Variants in MED6 observed in about 807,000 individuals in gnomAD.
MED6 encodes mediator of RNA polymerase II transcription subunit 6.
A neutral mutation model predicts 37.5 loss-of-function variants in MED6; 33 were observed. The observed-to-expected ratio is 0.88, with a 90% CI of 0.67 to 1.18. The LOEUF (loss-of-function observed/expected upper bound fraction) is 1.18, where lower values mean the gene tolerates loss of function less well. Among genes scored for constraint, MED6 ranks in the 50% most tolerant of loss-of-function variants. The probability of loss-of-function intolerance (pLI) is 0.00; values close to 1 mark genes in which losing one functional copy is unlikely to be tolerated. For missense variants in MED6, 235 were observed against 290.6 expected (o/e 0.81, Z 1.39); for synonymous variants, 94 against 93.6 (o/e 1.00, Z -0.02).
chr14:70,593,278 G>C lies in MED6; in HGVS notation c.357+18C>G, dbSNP rs954060978. 1 of 1,603,356 alleles carries C rather than the reference G, an allele frequency of 6.2e-7. No homozygotes were observed. Among genetic ancestry groups the C allele is most frequent in the Non-Finnish European group, 8.5e-7 (1 of 1,170,410 alleles). On this transcript the variant is annotated intron_variant, in intron 4 of 7. Transcript: ENST00000256379. ...TTAAAAGTTTTCTTTAGTGCTTAAA[G>C]AATGTGAAGACACTTACCACTCTAG... is the stretch of plus-strand genomic sequence containing the variant.
rs543615450 is a variant in MED6 at position 70,583,911 on chromosome 14, G to A, written c.*902C>T. 5 of 408,452 alleles carry A rather than the reference G, an allele frequency of 1.2e-5. No individual in the cohort carries two copies. Among genetic ancestry groups the A allele is most frequent in the African/African-American group, 2.1e-5 (1 of 48,776 alleles). The allele number at this position is 408,452 out of a possible 1,614,324, so 25.3% of individuals were successfully genotyped here. On this transcript the variant is annotated 3_prime_UTR_variant, in exon 8 of 8. Transcript: ENST00000256379. ...ACCAGCAAGAAGGCCCTCACCAGATGGAGCCAATCAATGCTGGACTTCTCA... is the reference window on the plus strand; with the variant it reads ...ACCAGCAAGAAGGCCCTCACCAGATAGAGCCAATCAATGCTGGACTTCTCA...
chr14:70,584,237 A>T lies in MED6; in HGVS notation c.*576T>A. 2.7e-6 allele frequency: 2 copies of T among 729,588 alleles called. No homozygotes were observed. Among genetic ancestry groups the T allele is most frequent in the Non-Finnish European group, 4.9e-6 (2 of 404,380 alleles). 45.2% of individuals were successfully genotyped at this position (729,588 alleles called of 1,614,324 possible). A position where few individuals can be genotyped will look rare whatever the true frequency, so the allele number is the denominator to read the frequency against. On this transcript the variant is annotated 3_prime_UTR_variant, in exon 8 of 8. Transcript: ENST00000256379. ...TGAAGAAAAAAGTCATGATGAAGCA[A>T]TATATACAAATACCTTTATTTTGCT... is the stretch of plus-strand genomic sequence containing the variant.
chr14:70,599,050 T>G (rs769825088), intron 1 of MED6, among the ~76,000 whole-genome samples: 12 of 152,224 alleles, frequency 7.9e-5, no homozygotes, highest in Non-Finnish European at 1.6e-4. Context: ...TCATGATGCT[T>G]CATACCACTG....
chr14:70,596,817 C>A, intron 2 of MED6, 115 bp from the exon 3 acceptor site: 1 of 716,578 alleles, frequency 1.4e-6, no homozygotes, highest in South Asian at 2.1e-5. Context: ...TTAAAACTGC[C>A]TATGTTTGGT....
At chr14:70,587,007 A>T (rs764202413) in intron 6 of MED6, among the ~76,000 whole-genome samples, 1 of 152,202 alleles carries the variant, frequency 6.6e-6, no homozygotes, top group Non-Finnish European at 1.5e-5. Flanking sequence ...ATTTAGGCTG[A>T]ATACCTGCTT....
intron 3 of MED6, chr14:70,594,598 G>T: frequency 2.4e-6 from 1 of 418,454 alleles, no homozygotes. Flanking sequence ...TGGTCCCTGG[G>T]CTCCATCCAG....
rs1388875145 is a variant in MED6 at position 70,584,762 on chromosome 14, G to A, written c.*51C>T. On this transcript the variant is annotated 3_prime_UTR_variant, in exon 8 of 8. Transcript: ENST00000256379. ...CAAAGCTCAAGAGCCACAGTACTGA[G>A]GTATGATAACTAGCATGAGGAGTCT... 1.9e-6 allele frequency: 3 copies of A among 1,591,778 alleles called. No individual in the cohort carries two copies. Among genetic ancestry groups the A allele is most frequent in the East Asian group, 4.5e-5 (2 of 44,740 alleles).
intron 1 of MED6, 132 bp downstream of exon 1, chr14:70,600,484 G>C (rs989330515): frequency 3.2e-6 from 3 of 942,016 alleles, no homozygotes; most frequent in African/African-American, 1.7e-5. Flanking sequence ...CACAGCCTTG[G>C]GTTGTCCACA....
chr14:70,585,833 A>G (rs761568804), intron 6 of MED6, 50 bp from the exon 7 acceptor site: 6 of 1,539,766 alleles, frequency 3.9e-6, no homozygotes, highest in Non-Finnish European at 5.3e-6. Context: ...AAAAGAAGAA[A>G]ACAGGTCAAC....
chr14:70,591,276 T>C lies in MED6; in HGVS notation c.572A>G (p.Lys191Arg), dbSNP rs777967859. Residue 191 changes from lysine to arginine, a missense_variant, in exon 6 of 8, where the codon AAA becomes AGA. By Grantham distance (26) the Lys-to-Arg change is conservative. Transcript: ENST00000256379. ...ACATATTCTCATTACCTGCACAAAT[T>C]TGGGTGGAAATTTTTGTCTGAGGTC... ...LLDLRQKFPP[K>R]FVQLKPGEKP... The C allele has an allele frequency of 9.9e-6, 16 of 1,611,228 alleles. No individual in the cohort carries two copies. In the South Asian group the frequency reaches 1.0e-4, roughly 10 times the overall value.
intron 3 of MED6, chr14:70,594,813 TA>T: frequency 1.6e-6 from 1 of 626,860 alleles, no homozygotes; most frequent in Non-Finnish European, 2.9e-6. Flanking sequence ...AGCCTGAACC[TA>T]CCCTGGTTCA....
chr14:70,597,801 T>C, intron 1 of MED6, 24 bp from the exon 2 acceptor site: 5 of 1,525,166 alleles, frequency 3.3e-6, no homozygotes, highest in Non-Finnish European at 4.4e-6. Flanking sequence ...AACAAAATGA[T>C]AAAGGATTAG....
chr14:70,599,771 C>A (rs1175325959), intron 1 of MED6, among the ~76,000 whole-genome samples: 1 of 151,960 alleles, frequency 6.6e-6, no homozygotes, highest in East Asian at 1.9e-4. Flanking sequence ...GTTGACATAG[C>A]CCAAGCATTC....
intron 1 of MED6, 137 bp downstream of exon 1, chr14:70,600,479 C>T: frequency 1.1e-6 from 1 of 901,216 alleles, no homozygotes; most frequent in Non-Finnish European, 1.7e-6. Context: ...TAGATCACAG[C>T]CTTGGGTTGT....
chr14:70,594,961 G>T, intron 3 of MED6: 1 of 601,698 alleles, frequency 1.7e-6, no homozygotes, highest in South Asian at 1.4e-5. Flanking sequence ...GACCATCGAG[G>T]ACCTGAGGGC....
At chr14:70,598,153 G>A (rs1177086111) in intron 1 of MED6, among the ~76,000 whole-genome samples, 2 of 151,966 alleles carry the variant, frequency 1.3e-5, no homozygotes, top group African/African-American at 4.8e-5. Flanking sequence ...AATTAGCCTG[G>A]CGTGTTTGTG....
intron 1 of MED6, among the ~76,000 whole-genome samples, chr14:70,598,461 C>T (rs1199877010): frequency 2.0e-5 from 3 of 151,474 alleles, no homozygotes; most frequent in South Asian, 4.2e-4. Flanking sequence ...GGCGACAGAG[C>T]GAGACTCCGT....
At chr14:70,593,162 A>G (rs1283950471) in intron 4 of MED6, 134 bp downstream of exon 4, 20 of 1,211,746 alleles carry the variant, frequency 1.7e-5, no homozygotes, top group Middle Eastern at 4.8e-4. Context: ...CACAGTAACC[A>G]AAGTTCAAGA....
In MED6 at chr14:70,583,992, T is replaced by C. The variant is rs1021919437; in HGVS notation, c.*821A>G. 4.4e-6 allele frequency: 2 copies of C among 458,474 alleles called. No homozygotes were observed. The highest frequency in any genetic ancestry group is 7.7e-6 in the Non-Finnish European group (2 of 260,514). 28.4% of individuals were successfully genotyped at this position (458,474 alleles called of 1,614,324 possible). The stretch of plus-strand genomic sequence containing the variant: ...CTTTTCTTTATTGAAAAAAGAAGTA[T>C]CTACACACAGAATAAGATTAAAATT... On this transcript the variant is annotated 3_prime_UTR_variant, in exon 8 of 8. Transcript: ENST00000256379.
Sources: gnomAD v4.1 joint callset for allele counts (sites outside exome capture counted in the v4.1 genomes callset) on GRCh38, gnomAD v4.1.1 for gene constraint, MANE v1.5 for transcripts, NCBI Gene and HGNC (gene_info 2026-07-23, HGNC 2026-07-21) for gene names.